The following ARHGAP32 variants were observed in gnomAD, a reference collection of about 807,000 sequenced individuals.
The protein encoded by ARHGAP32 is Rho GTPase activating protein 32.
A neutral mutation model predicts 186.5 loss-of-function variants in ARHGAP32; 51 were observed. The ratio of observed to expected loss-of-function variants is 0.27; its 90% confidence interval spans 0.22 to 0.35. The LOEUF is 0.35. ARHGAP32 is among the 10% of genes least tolerant of loss of function. The pLI, the probability that ARHGAP32 is intolerant of heterozygous loss-of-function variation, is 1.00. For synonymous variants in ARHGAP32, 950 were observed against 964.3 expected, an observed-to-expected ratio of 0.99 and a Z score of 0.27; for missense variants, 2,186 against 2,623.5, an observed-to-expected ratio of 0.83 and a Z score of 3.64.
chr11:129,177,409 A>T (rs1458444741), intron 1 of ARHGAP32, among the ~76,000 whole-genome samples: 3 of 152,346 alleles, frequency 2.0e-5, no homozygotes, highest in Admixed American at 1.3e-4. Flanking sequence ...TCAATAAAAA[A>T]AGAGGGAATC....
In ARHGAP32 at chr11:128,976,572, C is replaced by T. The variant is rs778976912; in HGVS notation, c.2185G>A (p.Ala729Thr). Residue 729 changes from alanine to threonine, a missense_variant, in exon 20 of 23, where the codon GCA (alanine) becomes ACA (threonine). This residue lies in a region of ARHGAP32 where 263 missense variants were observed against 323.5 expected (regional missense o/e 0.81). Coordinates refer to ENST00000682385, the MANE Select transcript of ARHGAP32 (RefSeq NM_001378024.1). ...KSEESLTSLH[A>T]VDGDSKLFRP... The stretch of plus-strand genomic sequence containing the variant: ...ATGCTTTTAGTCTTACCATCAACTG[C>T]ATGGAGAGATGTAAGAGACTCCTCA... 7 of 1,613,452 alleles carry T rather than the reference C, an allele frequency of 4.3e-6. No individual in the cohort carries two copies. Among genetic ancestry groups the T allele is most frequent in the Non-Finnish European group, 5.9e-6 (7 of 1,179,542 alleles).
intron 1 of ARHGAP32, among the ~76,000 whole-genome samples, chr11:129,242,009 G>A (rs1349430443): frequency 6.6e-6 from 1 of 152,202 alleles, no homozygotes; most frequent in African/African-American, 2.4e-5. Flanking sequence ...AGGCAAGCTG[G>A]GATAGGGTCA....
At chr11:129,062,447 A>G in intron 9 of ARHGAP32, 90 bp from the exon 10 acceptor site, 2 of 1,094,966 alleles carry the variant, frequency 1.8e-6, no homozygotes. Flanking sequence ...CTGTATGAAA[A>G]GGTAAAGTAC....
In ARHGAP32 at chr11:128,974,290, C is replaced by G. The variant is rs1052794900; in HGVS notation, c.2907G>C (p.Gln969His). The part of the protein sequence containing the change: ...ERDATNRSPT[Q>H]IVKMKTNETV... ...TCTCATTTGTTTTCATCTTTACTAT[C>G]TGGGTGGGGGATCTATTTGTGGCAT... The change falls in exon 21 of 23, where the codon CAG becomes CAC. Residue 969 changes from glutamine (Q) to histidine (H), a missense_variant. Coordinates refer to ENST00000682385, the MANE Select transcript of ARHGAP32 (RefSeq NM_001378024.1). The G allele has an allele frequency of 2.5e-6, 4 of 1,614,068 alleles. No homozygotes were observed. The African/African-American group carries it at 5.3e-5, about 22-fold the overall frequency.
At chr11:129,023,066 GA>G (rs1253918719) in intron 11 of ARHGAP32, among the ~76,000 whole-genome samples, 3 of 151,996 alleles carry the variant, frequency 2.0e-5, no homozygotes, top group Non-Finnish European at 4.4e-5. Context: ...AACAATCCTG[GA>G]AAGAAAAATG....
At position 128,970,190 on chromosome 11, in the gene ARHGAP32, A is replaced by T; in HGVS notation, c.5023T>A (p.Tyr1675Asn). The T allele has an allele frequency of 6.2e-7, 1 of 1,614,212 alleles. No homozygotes were observed. Among genetic ancestry groups the T allele is most frequent in the Non-Finnish European group, 8.5e-7 (1 of 1,180,036 alleles). The change falls in exon 23 of 23, where the codon TAC (tyrosine) becomes AAC (asparagine). Residue 1675 changes from tyrosine to asparagine, a missense_variant. Tyr to Asn is a moderately radical substitution (Grantham distance 143, BLOSUM62 -2). Around this residue, in one of 5 missense-constraint regions of ARHGAP32, gnomAD observed 1,502 missense variants for 1,570.0 expected, o/e 0.96. Coordinates refer to ENST00000682385, the MANE Select transcript of ARHGAP32 (RefSeq NM_001378024.1). The surrounding 1 kb of genome is among the most constrained non-coding windows in gnomAD (Gnocchi z 5.8). ...TCACACAGGGCCCCATCTGGACTGT[A>T]ATAGGAACTAGAAGAACTGGAATAT... is the stretch of plus-strand genomic sequence containing the variant. ...SPYSSSSSSY[Y>N]SPDGALCDVD...
At chr11:129,178,170 C>A (rs1943963382) in intron 1 of ARHGAP32, among the ~76,000 whole-genome samples, 1 of 151,880 alleles carries the variant, frequency 6.6e-6, no homozygotes, top group Admixed American at 6.6e-5. Flanking sequence ...AGAGCCAAAT[C>A]ATGAGTGAAC....
rs1261258553 is a variant in ARHGAP32, at chr11:129,084,347, GA to G, written c.531+9273del. 8.3e-3 allele frequency among the ~76,000 whole-genome samples: 610 copies of G among 73,680 alleles called. 4 individuals carry two copies. The highest frequency in any genetic ancestry group is 0.022 in the African/African-American group (448 of 19,944). 48.3% of individuals were successfully genotyped at this position (73,680 alleles called of 152,430 possible). ...CAGACAAAGACATTCTAAGAAAAAA[GA>G]AAAAAAAAAAAAAACTACAGACAAA... On this transcript the variant is annotated intron_variant, in intron 6 of 22. Transcript: ENST00000682385.
At chr11:129,254,123 G>A (rs904407259) in intron 1 of ARHGAP32, among the ~76,000 whole-genome samples, 1 of 151,988 alleles carries the variant, frequency 6.6e-6, no homozygotes, top group Non-Finnish European at 1.5e-5. Context: ...TATTTGACAA[G>A]CATGACCCCT....
chr11:129,248,212 CAAAAAAAA>C (rs61454534), intron 1 of ARHGAP32, among the ~76,000 whole-genome samples: 394 of 122,024 alleles, frequency 3.2e-3, no homozygotes, highest in African/African-American at 0.011. Context: ...TTGGCTGTCT[CAAAAAAAA>C]AAAAAAAAAA....
intron 1 of ARHGAP32, among the ~76,000 whole-genome samples, chr11:129,227,194 G>C (rs1033653051): frequency 6.6e-6 from 1 of 151,892 alleles, no homozygotes. Flanking sequence ...ATTCAAACTA[G>C]AGTGTTATAA....
At chr11:129,191,786 T>C (rs1944275521) in intron 1 of ARHGAP32, among the ~76,000 whole-genome samples, 1 of 151,804 alleles carries the variant, frequency 6.6e-6, no homozygotes, top group Non-Finnish European at 1.5e-5. Flanking sequence ...CAGGAAGGGG[T>C]AGTAGTTCAT....
intron 1 of ARHGAP32, among the ~76,000 whole-genome samples, chr11:129,173,498 C>T (rs780063808): frequency 6.6e-6 from 1 of 152,142 alleles, no homozygotes; most frequent in African/African-American, 2.4e-5. Context: ...ATACCAAAAC[C>T]AGAAAGAAAC....
chr11:129,177,980 T>C (rs1173649662), intron 1 of ARHGAP32, among the ~76,000 whole-genome samples: 2 of 151,550 alleles, frequency 1.3e-5, no homozygotes, highest in African/African-American at 2.4e-5. Context: ...GGTATTCAAT[T>C]AGGAAAAGAG....
rs1402950916 is a variant in ARHGAP32 at position 129,210,420 on chromosome 11, T to C, written c.-4-45993A>G. Reference sequence around the variant, plus strand: ...TGATGTGATAAAATAAACAACACTGTCCCTGTATTACAGCTGAGAAAACTG... The same window carrying C: ...TGATGTGATAAAATAAACAACACTGCCCCTGTATTACAGCTGAGAAAACTG... On this transcript the variant is annotated intron_variant, in intron 1 of 6. Transcript: ENST00000525234. 3.3e-5 allele frequency among the ~76,000 whole-genome samples: 5 copies of C among 152,216 alleles called. No individual in the cohort carries two copies. In the East Asian group the frequency reaches 5.8e-4, roughly 18 times the overall value.
intron 10 of ARHGAP32, among the ~76,000 whole-genome samples, chr11:129,044,195 G>T (rs1028531945): frequency 1.3e-5 from 2 of 152,094 alleles, no homozygotes; most frequent in African/African-American, 4.8e-5. Flanking sequence ...TCTAAACATG[G>T]TAATAATAAT....
In ARHGAP32 at chr11:128,972,538, G is replaced by A. The variant is rs764707491; in HGVS notation, c.3968C>T (p.Pro1323Leu). Residue 1323 changes from proline (P) to leucine (L), a missense_variant, in exon 22 of 23, where the codon CCG (proline) becomes CTG (leucine). Transcript: ENST00000682385. Reference sequence around the variant, plus strand: ...CTGCTCTGCAGATCTCTGGGAAGGCGGAGGGGGAAGGGGACGATTAGTTCT... The same window carrying A: ...CTGCTCTGCAGATCTCTGGGAAGGCAGAGGGGGAAGGGGACGATTAGTTCT... ...THRTNRPLPP[P>L]PSQRSAEQPP... 33 of 1,564,912 alleles carry A rather than the reference G, an allele frequency of 2.1e-5. No homozygotes were observed. The East Asian group carries it at 2.3e-4, about 11-fold the overall frequency.
intron 10 of ARHGAP32, among the ~76,000 whole-genome samples, chr11:129,044,762 A>G (rs367745912): frequency 1.4e-4 from 21 of 152,280 alleles, no homozygotes; most frequent in Non-Finnish European, 2.2e-4. Flanking sequence ...TCTGTGATCT[A>G]TGGCAAACTG....
At chr11:129,040,815 A>C in intron 11 of ARHGAP32, 113 bp downstream of exon 11, 1 of 652,680 alleles carries the variant, frequency 1.5e-6, no homozygotes, top group South Asian at 2.1e-5. Context: ...AATGTTAATT[A>C]TTATGCCTAT....
Sources: gnomAD v4.1 joint callset for allele counts (sites outside exome capture counted in the v4.1 genomes callset) on GRCh38, gnomAD v4.1.1 for gene constraint, gnomAD v4.1.1 regional missense constraint, Gnocchi (gnomAD v3.1) non-coding constraint, MANE v1.5 for transcripts, NCBI Gene and HGNC (gene_info 2026-07-23, HGNC 2026-07-21) for gene names.